The following EDIL3 variants were observed in gnomAD, a reference collection of about 807,000 sequenced individuals.
EDIL3 encodes the protein EGF like and discoidin domains 3.
EDIL3 carries 37 observed loss-of-function variants against 67.4 expected under a neutral mutation model. The ratio of observed to expected loss-of-function variants is 0.55; its 90% confidence interval spans 0.42 to 0.72. The LOEUF (loss-of-function observed/expected upper bound fraction) is 0.72. EDIL3 is among the 30% of genes least tolerant of loss of function. EDIL3 has a pLI of 0.00. For missense variants in EDIL3, 527 were observed against 586.3 expected (o/e 0.90, Z 1.04); for synonymous variants, 195 against 196.3 (o/e 0.99, Z 0.05).
At chr5:84,087,011 T>C (rs1372852031) in intron 6 of EDIL3, among the ~76,000 whole-genome samples, 2 of 152,162 alleles carry the variant, frequency 1.3e-5, no homozygotes, top group Non-Finnish European at 1.5e-5. Context: ...CACTTTTGCT[T>C]ATATGCCTTT....
rs16901052 is a variant in EDIL3, at chr5:84,320,717, A to T, written c.67+63591T>A. On this transcript the variant is annotated intron_variant, in intron 1 of 10. Transcript: ENST00000296591. ...AGTATAAGAAGGGAAAGCAATCTAC[A>T]CTTCAGACTGCTGCAACTGTTCTGG... Among the ~76,000 whole-genome samples the T allele has an allele frequency of 0.011, 1,706 of 152,256 alleles. 81 individuals are homozygous for T. The East Asian group carries it at 0.13, about 12-fold the overall frequency.
At chr5:84,186,728 C>T (rs1467517710) in intron 3 of EDIL3, among the ~76,000 whole-genome samples, 3 of 152,016 alleles carry the variant, frequency 2.0e-5, no homozygotes, top group Non-Finnish European at 4.4e-5. Flanking sequence ...CCAGCACACA[C>T]GCACACATAC....
At chr5:84,132,117 C>A (rs899770140) in intron 5 of EDIL3, among the ~76,000 whole-genome samples, 2 of 149,962 alleles carry the variant, frequency 1.3e-5, no homozygotes, top group African/African-American at 2.5e-5. Context: ...CACCTGTAAT[C>A]CCAGCTACTT....
rs1444049393 is a variant in EDIL3 at position 83,942,943 on chromosome 5, AG to A, written c.*475del. 38 of 158,848 alleles carry A rather than the reference AG, an allele frequency of 2.4e-4. No individual in the cohort carries two copies. Among genetic ancestry groups the A allele is most frequent in the African/African-American group, 9.1e-4 (38 of 41,596 alleles). The allele number at this position is 158,848 out of a possible 1,614,324, so 9.8% of individuals were successfully genotyped here. ...GTAATAAACATTGACAGTGTTTGGT[AG>A]GCACAGGGAAACAGGATAACGTAGA... On this transcript the variant is annotated 3_prime_UTR_variant, in exon 11 of 11. Coordinates refer to ENST00000296591, the MANE Select transcript of EDIL3 (RefSeq NM_005711.5).
chr5:84,368,715 G>T lies in EDIL3; in HGVS notation c.67+15593C>A, dbSNP rs137965323. ...ACCCACGGAATGAGAAAAAAAATTT[G>T]CAAAACATATCTGATAAGGAATTAA... is the stretch of plus-strand genomic sequence containing the variant. On this transcript the variant is annotated intron_variant, in intron 1 of 10. Transcript: ENST00000296591. Among the ~76,000 whole-genome samples, 3 of 151,826 alleles carry T rather than the reference G, an allele frequency of 2.0e-5. No homozygotes were observed. The East Asian group carries it at 5.8e-4, about 29-fold the overall frequency.
intron 1 of EDIL3, among the ~76,000 whole-genome samples, chr5:84,317,860 A>T: frequency 6.6e-6 from 1 of 152,282 alleles, no homozygotes; most frequent in Middle Eastern, 3.4e-3. Flanking sequence ...TTAGGAAAAG[A>T]ATAAGTCAAA....
chr5:83,941,008 T>C lies in EDIL3; in HGVS notation c.*2411A>G, dbSNP rs1313907784. 6.6e-6 allele frequency: 1 copy of C among 152,056 alleles called. No homozygotes were observed. Among genetic ancestry groups the C allele is most frequent in the African/African-American group, 2.4e-5 (1 of 41,458 alleles). 9.4% of individuals were successfully genotyped at this position (152,056 alleles called of 1,614,324 possible). On this transcript the variant is annotated 3_prime_UTR_variant, in exon 11 of 11. Transcript: ENST00000296591. ...AGCATGTTATATTTACTCAATATAG[T>C]GAAGACTAGGTGATTCTTACATGTA...
chr5:84,133,336 T>G (rs530138781), intron 5 of EDIL3, among the ~76,000 whole-genome samples: 61 of 151,766 alleles, frequency 4.0e-4, no homozygotes, highest in African/African-American at 1.2e-3. Context: ...TTAAAAGGAA[T>G]GAGGGTCTGC....
chr5:84,349,708 T>C (rs2112187381), intron 1 of EDIL3, among the ~76,000 whole-genome samples: 1 of 152,264 alleles, frequency 6.6e-6, no homozygotes, highest in South Asian at 2.1e-4. Context: ...ACCAACACTC[T>C]TCCATGTCAG....
chr5:84,380,627 A>G, intron 1 of EDIL3, among the ~76,000 whole-genome samples: 1 of 152,142 alleles, frequency 6.6e-6, no homozygotes, highest in East Asian at 1.9e-4. Flanking sequence ...AGGCTTCAAG[A>G]AACTCTCAAA....
chr5:84,026,232 G>A (rs865876347), intron 9 of EDIL3, among the ~76,000 whole-genome samples: 24 of 152,130 alleles, frequency 1.6e-4, no homozygotes, highest in African/African-American at 5.6e-4. Context: ...ACCACTGTTG[G>A]AGAATATAAG....
chr5:84,089,219 T>C (rs987031772), intron 6 of EDIL3, among the ~76,000 whole-genome samples: 9 of 152,236 alleles, frequency 5.9e-5, no homozygotes, highest in African/African-American at 2.2e-4. Context: ...AAGTGTCACA[T>C]GGCAGTGGTG....
chr5:84,257,344 C>A (rs1745140195), intron 1 of EDIL3, among the ~76,000 whole-genome samples: 2 of 152,194 alleles, frequency 1.3e-5, no homozygotes, highest in Non-Finnish European at 2.9e-5. Flanking sequence ...GAGATGCCAA[C>A]TGTTGTTTAA....
intron 1 of EDIL3, among the ~76,000 whole-genome samples, chr5:84,271,233 G>A (rs980255283): frequency 1.3e-5 from 2 of 151,744 alleles, no homozygotes; most frequent in African/African-American, 4.8e-5. Context: ...GCTAACACGG[G>A]GAAACCCCGT....
chr5:84,264,181 G>C (rs760469106), intron 1 of EDIL3, among the ~76,000 whole-genome samples: 1 of 152,192 alleles, frequency 6.6e-6, no homozygotes, highest in Non-Finnish European at 1.5e-5. Flanking sequence ...AAGAGGTGGA[G>C]GTTGCAGCGA....
chr5:84,045,418 G>T (rs1199700922), intron 9 of EDIL3, among the ~76,000 whole-genome samples: 4 of 152,126 alleles, frequency 2.6e-5, no homozygotes, highest in African/African-American at 9.7e-5. Context: ...GCAGCATAAA[G>T]ATTCTTTGAC....
intron 6 of EDIL3, among the ~76,000 whole-genome samples, chr5:84,102,055 C>T (rs1477514287): frequency 6.6e-6 from 1 of 151,978 alleles, no homozygotes; most frequent in Non-Finnish European, 1.5e-5. Flanking sequence ...ATAAACATAA[C>T]TAAAGACAAA....
intron 6 of EDIL3, among the ~76,000 whole-genome samples, chr5:84,075,946 T>TA (rs1746847927): frequency 1.7e-5 from 2 of 120,470 alleles, no homozygotes; most frequent in African/African-American, 3.2e-5. Flanking sequence ...CATTGTGGGT[T>TA]TTATATATAT....
chr5:84,284,795 C>A (rs985463635), intron 1 of EDIL3, among the ~76,000 whole-genome samples: 1 of 152,156 alleles, frequency 6.6e-6, no homozygotes, highest in Non-Finnish European at 1.5e-5. Context: ...CTGCAGCAAA[C>A]TGCTGGAAAG....
Sources: allele counts gnomAD v4.1 joint callset (sites outside exome capture counted in the v4.1 genomes callset), GRCh38; gene constraint gnomAD v4.1.1; transcripts MANE v1.5; gene names NCBI Gene and HGNC (gene_info 2026-07-23, HGNC 2026-07-21).